TOX2: variants seen among roughly 807,000 people sequenced by gnomAD.
The protein encoded by TOX2 is TOX high mobility group box family member 2.
A neutral mutation model predicts 47.4 loss-of-function variants in TOX2; 15 were observed. The observed-to-expected ratio is 0.32, with a 90% CI of 0.21 to 0.49. The LOEUF is 0.49. Ranked by LOEUF, TOX2 falls within the 20% of genes least tolerant of loss-of-function variation. TOX2 has a pLI of 0.99. For missense variants in TOX2, 622 were observed against 673.1 expected (o/e 0.92, Z 0.84); for synonymous variants, 290 against 296.6 (o/e 0.98, Z 0.23).
At chr20:43,945,957 C>T in intron 1 of TOX2, 1 of 1,614,068 alleles carries the variant, frequency 6.2e-7, no homozygotes, top group Non-Finnish European at 8.5e-7. Flanking sequence ...CGTTCTCTCG[C>T]TGCCTGGGCT....
At chr20:43,965,713 G>A (rs181932339) in intron 1 of TOX2, among the ~76,000 whole-genome samples, 141 of 152,266 alleles carry the variant, frequency 9.3e-4, no homozygotes, top group Non-Finnish European at 1.1e-3. Flanking sequence ...GTCTCATTTC[G>A]CCTCAGCACA....
intron 3 of TOX2, among the ~76,000 whole-genome samples, chr20:44,015,320 G>C (rs1436209429): frequency 6.6e-6 from 1 of 152,128 alleles, no homozygotes; most frequent in Non-Finnish European, 1.5e-5. Context: ...TTGCTCTCCT[G>C]CTATAATTAT....
intron 1 of TOX2, among the ~76,000 whole-genome samples, chr20:43,929,172 A>G (rs920777678): frequency 6.6e-6 from 1 of 152,016 alleles, no homozygotes; most frequent in Non-Finnish European, 1.5e-5. Context: ...ACAAACAAAC[A>G]AACAAACAAA....
chr20:43,940,891 G>A (rs555642087), intron 1 of TOX2, among the ~76,000 whole-genome samples: 2 of 152,322 alleles, frequency 1.3e-5, no homozygotes, highest in South Asian at 4.1e-4. Flanking sequence ...CACTTAACAG[G>A]TGCTGACGGG....
chr20:43,946,730 TGGCAGA>T (rs2069479168), intron 1 of TOX2, among the ~76,000 whole-genome samples: 1 of 152,062 alleles, frequency 6.6e-6, no homozygotes, highest in South Asian at 2.1e-4. Context: ...CCTTAATAGG[TGGCAGA>T]GATTTCAAAT....
chr20:43,958,699 G>T (rs536152018), intron 1 of TOX2, among the ~76,000 whole-genome samples: 1 of 152,342 alleles, frequency 6.6e-6, no homozygotes, highest in African/African-American at 2.4e-5. Context: ...CGTGCCCTTG[G>T]GCTTTTGACA....
At chr20:44,049,177 C>G (rs992667179) in intron 3 of TOX2, among the ~76,000 whole-genome samples, 1 of 152,060 alleles carries the variant, frequency 6.6e-6, no homozygotes, top group African/African-American at 2.4e-5. Flanking sequence ...TTTATGGAAA[C>G]AGAAAAATTG....
At chr20:44,010,170 G>C in intron 3 of TOX2, among the ~76,000 whole-genome samples, 1 of 152,174 alleles carries the variant, frequency 6.6e-6, no homozygotes, top group East Asian at 1.9e-4. Flanking sequence ...ACCTAAAGGA[G>C]CAGACTGCAG....
At position 43,987,409 on chromosome 20, in the gene TOX2, C is replaced by G. The variant is rs555118075; in HGVS notation, c.165+13977C>G. Among the ~76,000 whole-genome samples, 13 of 152,238 alleles carry G rather than the reference C, an allele frequency of 8.5e-5. No homozygotes were observed. In the South Asian group the frequency reaches 1.0e-3, roughly 12 times the overall value. ...GGGGCTTTGAGGGGCTTCAGAGGTG[C>G]TGGGAAGGTTTTCTCCCTTCCTTTG... On this transcript the variant is annotated intron_variant, in intron 2 of 8. Transcript: ENST00000341197.
intron 1 of TOX2, among the ~76,000 whole-genome samples, chr20:43,954,384 G>A (rs1415104359): frequency 6.6e-6 from 1 of 152,214 alleles, no homozygotes; most frequent in South Asian, 2.1e-4. Flanking sequence ...ACAATGCAAC[G>A]TGTGACCACC....
chr20:43,970,948 G>A (rs1405840776), intron 1 of TOX2, among the ~76,000 whole-genome samples: 1 of 152,222 alleles, frequency 6.6e-6, no homozygotes, highest in Admixed American at 6.5e-5. Context: ...GTGCAGTGTG[G>A]TGGATGGAGT....
At chr20:43,961,730 A>G (rs1201585295) in intron 1 of TOX2, among the ~76,000 whole-genome samples, 1 of 151,924 alleles carries the variant, frequency 6.6e-6, no homozygotes, top group Non-Finnish European at 1.5e-5. Flanking sequence ...CTGTCACTGG[A>G]GAGGTCCATG....
Position 43,948,003 on chromosome 20 carries a change from C to A in TOX2, c.100-25364C>A, listed in dbSNP as rs977488398. On this transcript the variant is annotated intron_variant, in intron 1 of 8. Coordinates refer to ENST00000341197, the MANE Select transcript of TOX2 (RefSeq NM_001098797.2). ...AAGTCATGGCTCTGTTCCTTACTTG[C>A]TGTGTGACCTCAGCACAGCAACCTC... Among the ~76,000 whole-genome samples the A allele has an allele frequency of 2.8e-4, 43 of 152,194 alleles. 1 individual carries two copies. Among genetic ancestry groups the A allele is most frequent in the Admixed American group, 2.8e-3 (43 of 15,286 alleles).
intron 3 of TOX2, among the ~76,000 whole-genome samples, chr20:44,027,308 G>A (rs57006280): frequency 0.054 from 8,280 of 152,162 alleles, 515 homozygotes; most frequent in African/African-American, 0.15. Context: ...CAGGGGAGGG[G>A]GTGGGTCACC....
intron 2 of TOX2, among the ~76,000 whole-genome samples, chr20:44,000,566 C>G (rs1272215446): frequency 6.6e-6 from 1 of 151,754 alleles, no homozygotes; most frequent in African/African-American, 2.4e-5. Flanking sequence ...CTATATGAGT[C>G]AGCATTTCAG....
chr20:44,011,361 C>T (rs901353039), intron 3 of TOX2, among the ~76,000 whole-genome samples: 1 of 152,138 alleles, frequency 6.6e-6, no homozygotes, highest in Non-Finnish European at 1.5e-5. Flanking sequence ...TGAGGGACTC[C>T]TGGTGCAGAT....
intron 1 of TOX2, among the ~76,000 whole-genome samples, chr20:43,931,811 G>A (rs528061052): frequency 5.3e-5 from 8 of 152,320 alleles, no homozygotes; most frequent in Middle Eastern, 6.8e-3. Flanking sequence ...GCCAGTAGCC[G>A]TGTGTGGCTC....
chr20:43,988,236 G>A, intron 2 of TOX2, among the ~76,000 whole-genome samples: 1 of 152,224 alleles, frequency 6.6e-6, no homozygotes, highest in South Asian at 2.1e-4. Flanking sequence ...AACACTTAAA[G>A]CACATGCATA....
intron 1 of TOX2, among the ~76,000 whole-genome samples, chr20:43,968,462 G>T (rs1439470102): frequency 6.6e-6 from 1 of 152,158 alleles, no homozygotes; most frequent in Admixed American, 6.5e-5. Context: ...TAGGTTGGGG[G>T]CTGGCTGTTG....
Sources: gnomAD v4.1 joint callset for allele counts (sites outside exome capture counted in the v4.1 genomes callset) on GRCh38, gnomAD v4.1.1 for gene constraint, MANE v1.5 for transcripts, NCBI Gene and HGNC (gene_info 2026-07-23, HGNC 2026-07-21) for gene names.